Variants in KIAA1217 observed in about 807,000 individuals in gnomAD.
KIAA1217 encodes KIAA1217, also known as sickle tail protein homolog.
Under a neutral mutation model 163.9 loss-of-function variants are expected in KIAA1217, and 88 were observed. The observed-to-expected ratio is 0.54, with a 90% CI of 0.45 to 0.64. KIAA1217 has a LOEUF of 0.64. Ranked by LOEUF, KIAA1217 falls within the 30% of genes least tolerant of loss-of-function variation. KIAA1217 has a pLI of 0.00. For synonymous variants in KIAA1217, 903 were observed against 923.1 expected, an observed-to-expected ratio of 0.98 and a Z score of 0.39; for missense variants, 2,372 against 2,475.0, an observed-to-expected ratio of 0.96 and a Z score of 0.88.
At chr10:23,939,945 A>G (rs1843686441) in intron 1 of KIAA1217, among the ~76,000 whole-genome samples, 1 of 149,926 alleles carries the variant, frequency 6.7e-6, no homozygotes, top group Non-Finnish European at 1.5e-5. Flanking sequence ...TATTAAATAT[A>G]TAATATTAAA....
intron 2 of KIAA1217, among the ~76,000 whole-genome samples, chr10:24,142,697 G>C (rs1396210301): frequency 6.6e-6 from 1 of 152,230 alleles, no homozygotes; most frequent in South Asian, 2.1e-4. Context: ...GAGAGTTGCT[G>C]TCAACCTTGA....
chr10:23,965,006 A>G (rs1277340525), intron 1 of KIAA1217, among the ~76,000 whole-genome samples: 1 of 152,214 alleles, frequency 6.6e-6, no homozygotes, highest in Non-Finnish European at 1.5e-5. Flanking sequence ...ACAGAAAATG[A>G]CTTTACCCCG....
intron 1 of KIAA1217, among the ~76,000 whole-genome samples, chr10:23,906,082 C>G (rs1400104566): frequency 6.6e-6 from 1 of 152,030 alleles, no homozygotes; most frequent in Non-Finnish European, 1.5e-5. Flanking sequence ...AAGGGCCCAG[C>G]TAATTCTCTC....
At chr10:24,207,768 C>G (rs1375453433), upstream of KIAA1217, among the ~76,000 whole-genome samples, 1 of 152,318 alleles carries the variant, frequency 6.6e-6, no homozygotes, top group Admixed American at 6.5e-5. Flanking sequence ...TGTCTCCTTT[C>G]CTTTTGGCCT....
intron 1 of KIAA1217, among the ~76,000 whole-genome samples, chr10:23,947,127 G>A (rs1469644679): frequency 6.6e-6 from 1 of 152,194 alleles, no homozygotes; most frequent in South Asian, 2.1e-4. Flanking sequence ...CAGCCATGCT[G>A]AACTGTGAAT....
chr10:24,077,956 T>C (rs938863003), intron 2 of KIAA1217, among the ~76,000 whole-genome samples: 1 of 152,234 alleles, frequency 6.6e-6, no homozygotes, highest in African/African-American at 2.4e-5. Context: ...GTTGAGCTTT[T>C]TTTTCATATC....
intron 1 of KIAA1217, among the ~76,000 whole-genome samples, chr10:23,930,221 C>T (rs1046312984): frequency 6.6e-6 from 1 of 151,966 alleles, no homozygotes; most frequent in African/African-American, 2.4e-5. Flanking sequence ...CCTTCACCCA[C>T]TTTTAAATGG....
chr10:24,000,880 G>A (rs577919940), intron 1 of KIAA1217, among the ~76,000 whole-genome samples: 55 of 152,364 alleles, frequency 3.6e-4, no homozygotes, highest in Non-Finnish European at 6.0e-4. Flanking sequence ...GGGCAAGTGA[G>A]AGGCAGGAAA....
chr10:23,802,837 G>A (rs1440493884), intron 1 of KIAA1217, among the ~76,000 whole-genome samples: 5 of 152,174 alleles, frequency 3.3e-5, no homozygotes, highest in East Asian at 3.9e-4. Context: ...TTGTGGAGTA[G>A]ATTCTGAGTA....
At chr10:23,979,229 G>T (rs1317060872) in intron 1 of KIAA1217, among the ~76,000 whole-genome samples, 1 of 152,168 alleles carries the variant, frequency 6.6e-6, no homozygotes, top group Non-Finnish European at 1.5e-5. Context: ...AAAGACTCAG[G>T]ATTTAAGTGG....
At chr10:24,129,925 G>A (rs2063592572) in intron 2 of KIAA1217, among the ~76,000 whole-genome samples, 1 of 151,948 alleles carries the variant, frequency 6.6e-6, no homozygotes, top group Non-Finnish European at 1.5e-5. Flanking sequence ...ATGATCATAG[G>A]CTGCATGTGT....
intron 1 of KIAA1217, among the ~76,000 whole-genome samples, chr10:23,953,771 T>C (rs888224708): frequency 2.0e-4 from 31 of 152,216 alleles, no homozygotes; most frequent in African/African-American, 7.2e-4. Context: ...TGTTAGATAA[T>C]ATTATTGTTG....
At chr10:23,931,294 A>T (rs1346316968) in intron 1 of KIAA1217, among the ~76,000 whole-genome samples, 1 of 151,350 alleles carries the variant, frequency 6.6e-6, no homozygotes, top group Non-Finnish European at 1.5e-5. Context: ...GGAAAGAGTG[A>T]CTTGTCCTTG....
At chr10:24,440,767 A>G (rs539527238) in intron 5 of KIAA1217, among the ~76,000 whole-genome samples, 1 of 152,214 alleles carries the variant, frequency 6.6e-6, no homozygotes, top group South Asian at 2.1e-4. Context: ...AATGTTCACC[A>G]TCTAACCAGC....
intron 2 of KIAA1217, among the ~76,000 whole-genome samples, chr10:24,314,679 C>T (rs2043128478): frequency 1.3e-5 from 2 of 152,112 alleles, no homozygotes; most frequent in Admixed American, 1.3e-4. Flanking sequence ...CAGTGGCTCA[C>T]GCCTGTAATC....
intron 16 of KIAA1217, among the ~76,000 whole-genome samples, chr10:24,533,776 G>A (rs1302556953): frequency 6.6e-6 from 1 of 152,012 alleles, no homozygotes; most frequent in East Asian, 1.9e-4. Flanking sequence ...ATTTTCCTTG[G>A]TCTATTTGAG....
chr10:24,027,939 C>G (rs957435573), intron 2 of KIAA1217, among the ~76,000 whole-genome samples: 1 of 152,072 alleles, frequency 6.6e-6, no homozygotes, highest in African/African-American at 2.4e-5. Flanking sequence ...ACCTACAATC[C>G]ATTTCTTTGA....
At chr10:23,861,016 G>A (rs189554030) in intron 1 of KIAA1217, among the ~76,000 whole-genome samples, 20 of 151,652 alleles carry the variant, frequency 1.3e-4, no homozygotes, top group Admixed American at 4.6e-4. Flanking sequence ...GAGCTCCAGC[G>A]AACCTACCAC....
chr10:23,849,321 T>C (rs2131090538), intron 1 of KIAA1217, among the ~76,000 whole-genome samples: 1 of 152,238 alleles, frequency 6.6e-6, no homozygotes, highest in Non-Finnish European at 1.5e-5. Flanking sequence ...GCAATCATCA[T>C]CCATCCACAT....
Sources: allele counts gnomAD v4.1 joint callset (sites outside exome capture counted in the v4.1 genomes callset), GRCh38; gene constraint gnomAD v4.1.1; transcripts MANE v1.5; gene names NCBI Gene and HGNC (gene_info 2026-07-23, HGNC 2026-07-21).